The following GHR variants were observed in gnomAD, a reference collection of about 807,000 sequenced individuals.
The protein encoded by GHR is growth hormone receptor, also known as GH receptor.
Under a neutral mutation model 67.1 loss-of-function variants are expected in GHR, and 35 were observed. The observed-to-expected ratio is 0.52, with a 90% CI of 0.40 to 0.69. The LOEUF is 0.69. Ranked by LOEUF, GHR falls within the 30% of genes least tolerant of loss-of-function variation. GHR has a pLI of 0.00. For missense variants in GHR, 792 were observed against 764.6 expected, an observed-to-expected ratio of 1.04 and a Z score of -0.42; for synonymous variants, 272 against 269.1, an observed-to-expected ratio of 1.01 and a Z score of -0.10.
chr5:42,708,926 T>C (rs139152892), intron 6 of GHR, among the ~76,000 whole-genome samples: 260 of 152,278 alleles, frequency 1.7e-3, no homozygotes, highest in African/African-American at 6.0e-3. Context: ...ATTTATAAGT[T>C]TGGTAATTTA....
rs1579870976 is a variant in GHR, at chr5:42,526,262, CACA to C, written c.-11-39598_-11-39596del. On this transcript the variant is annotated intron_variant, in intron 1 of 9. Transcript: ENST00000230882. ...GGTCTGGATAGAAAATCAAACCAGC[CACA>C]ACATTTTCTTAAGCCAAAGCCTAAT... Among the ~76,000 whole-genome samples, 2 of 151,996 alleles carry C rather than the reference CACA, an allele frequency of 1.3e-5. 1 individual carries two copies. Among genetic ancestry groups the C allele is most frequent in the East Asian group, 3.9e-4 (2 of 5,188 alleles).
chr5:42,508,604 T>C (rs889214177), intron 1 of GHR, among the ~76,000 whole-genome samples: 1 of 152,328 alleles, frequency 6.6e-6, no homozygotes, highest in African/African-American at 2.4e-5. Context: ...GACGGAGTCT[T>C]GCTCTGTCGC....
intron 1 of GHR, among the ~76,000 whole-genome samples, chr5:42,538,868 A>G (rs991064119): frequency 6.6e-6 from 1 of 152,048 alleles, no homozygotes; most frequent in East Asian, 1.9e-4. Context: ...ACCTTTGTTC[A>G]TATTTTCTTA....
intron 1 of GHR, among the ~76,000 whole-genome samples, chr5:42,459,111 A>C (rs1744380652): frequency 6.6e-6 from 1 of 152,162 alleles, no homozygotes; most frequent in Non-Finnish European, 1.5e-5. Flanking sequence ...TTCTCAAAGA[A>C]CTCAAAGTAG....
In GHR at chr5:42,429,673, T is replaced by A. The variant is rs536530782; in HGVS notation, c.-12+5718T>A. ...TATAAATTTATGGAAAGTATAATAC[T>A]GTGTGGGTAAATAAAATTCTATAAA... is the stretch of plus-strand genomic sequence containing the variant. On this transcript the variant is annotated intron_variant, in intron 1 of 9. Transcript: ENST00000230882. Among the ~76,000 whole-genome samples the A allele has an allele frequency of 3.8e-4, 58 of 152,360 alleles. 4 individuals are homozygous for A. In the Middle Eastern group the frequency reaches 0.037, roughly 98 times the overall value.
intron 1 of GHR, among the ~76,000 whole-genome samples, chr5:42,471,810 T>C (rs1469805110): frequency 6.6e-6 from 1 of 152,142 alleles, no homozygotes; most frequent in Non-Finnish European, 1.5e-5. Flanking sequence ...AGTAACAGAA[T>C]CATTTAATGG....
chr5:42,566,118 G>A (rs1330259317), intron 2 of GHR, among the ~76,000 whole-genome samples, 174 bp downstream of exon 2: 1 of 152,192 alleles, frequency 6.6e-6, no homozygotes, highest in African/African-American at 2.4e-5. Flanking sequence ...TTCTGTGGAT[G>A]TTTAGGAGGA....
chr5:42,625,419 G>A (rs906712086), intron 2 of GHR, among the ~76,000 whole-genome samples: 10 of 152,070 alleles, frequency 6.6e-5, no homozygotes, highest in Non-Finnish European at 1.3e-4. Flanking sequence ...CAAAATGTGT[G>A]TGGTGTCAAC....
At chr5:42,690,675 C>G (rs1463584669) in intron 4 of GHR, among the ~76,000 whole-genome samples, 3 of 152,114 alleles carry the variant, frequency 2.0e-5, no homozygotes, top group African/African-American at 7.2e-5. Flanking sequence ...AGCAACCAAG[C>G]AGACCTTCCC....
At position 42,467,709 on chromosome 5, in the gene GHR, A is replaced by G. The variant is rs1273946539; in HGVS notation, c.-12+43754A>G. On this transcript the variant is annotated intron_variant, in intron 1 of 9. Transcript: ENST00000230882. ...TCTGAATGAAGGCCTTCCCACACTC[A>G]TGACATTCAAAAGGTTTCTCCCCGG... The G allele has an allele frequency of 2.5e-6, 4 of 1,573,252 alleles. No homozygotes were observed. In the African/African-American group the frequency reaches 5.4e-5, roughly 21 times the overall value.
intron 1 of GHR, among the ~76,000 whole-genome samples, chr5:42,437,634 G>T (rs946161925): frequency 6.6e-6 from 1 of 151,616 alleles, no homozygotes; most frequent in Non-Finnish European, 1.5e-5. Context: ...TGCAACCTCT[G>T]CCTCCCAGGT....
chr5:42,514,294 T>C, intron 1 of GHR: 1 of 983,880 alleles, frequency 1.0e-6, no homozygotes, highest in South Asian at 4.7e-5. Context: ...ACCCAGGGAG[T>C]CCATATTGGG....
intron 6 of GHR, among the ~76,000 whole-genome samples, chr5:42,707,127 C>G (rs1758213427): frequency 6.6e-6 from 1 of 150,834 alleles, no homozygotes; most frequent in Admixed American, 6.6e-5. Flanking sequence ...TCCTAGGTTT[C>G]TGTGTGTGTG....
At chr5:42,617,651 A>G (rs1230879874) in intron 2 of GHR, among the ~76,000 whole-genome samples, 1 of 148,990 alleles carries the variant, frequency 6.7e-6, no homozygotes, top group African/African-American at 2.4e-5. Context: ...ACATTCGATC[A>G]GGGAATACTT....
At chr5:42,454,197 G>A (rs1446730190) in intron 1 of GHR, among the ~76,000 whole-genome samples, 1 of 152,220 alleles carries the variant, frequency 6.6e-6, no homozygotes, top group Non-Finnish European at 1.5e-5. Context: ...TCTGGTGGAG[G>A]TGACAGGATA....
At chr5:42,619,729 C>T (rs1005635044) in intron 2 of GHR, 7 of 152,102 alleles carry the variant, frequency 4.6e-5, no homozygotes, top group Non-Finnish European at 8.8e-5. Context: ...AGCTTGGAAA[C>T]GAGACACAGA....
At chr5:42,652,748 T>C (rs1755071130) in intron 3 of GHR, among the ~76,000 whole-genome samples, 1 of 152,120 alleles carries the variant, frequency 6.6e-6, no homozygotes, top group Admixed American at 6.6e-5. Context: ...GTAGGTACTG[T>C]TATCCCTCTT....
intron 3 of GHR, among the ~76,000 whole-genome samples, chr5:42,653,229 GC>G (rs1755095892): frequency 6.6e-6 from 1 of 152,070 alleles, no homozygotes; most frequent in Non-Finnish European, 1.5e-5. Context: ...TATTAAGCAG[GC>G]ACTTTTTGGA....
At chr5:42,650,595 A>T (rs976214870) in intron 3 of GHR, among the ~76,000 whole-genome samples, 10 of 146,954 alleles carry the variant, frequency 6.8e-5, no homozygotes, top group Middle Eastern at 3.6e-3. Flanking sequence ...ATATATATAT[A>T]TATATATGTA....
Sources: gnomAD v4.1 joint callset for allele counts (sites outside exome capture counted in the v4.1 genomes callset) on GRCh38, gnomAD v4.1.1 for gene constraint, MANE v1.5 for transcripts, NCBI Gene and HGNC (gene_info 2026-07-23, HGNC 2026-07-21) for gene names.